MRPS27: variants seen among roughly 807,000 people sequenced by gnomAD.
MRPS27 encodes the protein small ribosomal subunit protein mS27.
MRPS27 carries 43 observed loss-of-function variants against 48.9 expected under a neutral mutation model. The observed-to-expected ratio is 0.88, with a 90% CI of 0.69 to 1.13. The LOEUF is 1.13. Among genes scored for constraint, MRPS27 ranks in the 50% most tolerant of loss-of-function variants. The pLI is 0.00. For missense variants in MRPS27, 467 were observed against 476.3 expected, an observed-to-expected ratio of 0.98 and a Z score of 0.18; for synonymous variants, 188 against 171.9, an observed-to-expected ratio of 1.09 and a Z score of -0.73.
At chr5:72,288,577 C>T (rs1168824833) in intron 4 of MRPS27, among the ~76,000 whole-genome samples, 2 of 152,182 alleles carry the variant, frequency 1.3e-5, no homozygotes, top group Non-Finnish European at 2.9e-5. Context: ...TGCACTATGA[C>T]CAACGATCTG....
intron 4 of MRPS27, among the ~76,000 whole-genome samples, chr5:72,261,094 C>T (rs1250350163): frequency 6.6e-6 from 1 of 152,074 alleles, no homozygotes; most frequent in Non-Finnish European, 1.5e-5. Context: ...GAACTCCTGG[C>T]CTCAAGTGAT....
At chr5:72,258,996 G>A (rs911432666) in intron 4 of MRPS27, among the ~76,000 whole-genome samples, 2 of 152,112 alleles carry the variant, frequency 1.3e-5, no homozygotes, top group Non-Finnish European at 2.9e-5. Flanking sequence ...AGCCAGAATT[G>A]AGCATATTAT....
chr5:72,269,595 A>T (rs1323089087), intron 4 of MRPS27, among the ~76,000 whole-genome samples: 2 of 152,230 alleles, frequency 1.3e-5, no homozygotes, highest in Non-Finnish European at 2.9e-5. Context: ...AGACTCAAAC[A>T]CAAATAAGAA....
At chr5:72,230,219 C>T (rs1748017555) in intron 7 of MRPS27, among the ~76,000 whole-genome samples, 1 of 152,150 alleles carries the variant, frequency 6.6e-6, no homozygotes, top group Non-Finnish European at 1.5e-5. Flanking sequence ...CTATTGTAGA[C>T]ACTATAATGG....
At chr5:72,256,097 C>T (rs574071215) in intron 4 of MRPS27, among the ~76,000 whole-genome samples, 1 of 152,316 alleles carries the variant, frequency 6.6e-6, no homozygotes, top group South Asian at 2.1e-4. Context: ...ATTTGGCAAG[C>T]CACCTCAGCC....
rs754533079 is a variant in MRPS27 at position 72,228,383 on chromosome 5, A to C, written c.592-15T>G. 15 of 1,575,832 alleles carry C rather than the reference A, an allele frequency of 9.5e-6. No homozygotes were observed. The highest frequency in any genetic ancestry group is 2.7e-5 in the African/African-American group (2 of 73,994). On this transcript the variant is annotated splice_polypyrimidine_tract_variant and intron_variant, in intron 7 of 10. Transcript: ENST00000261413. ...TCCTCTTCCCACTGCAACAGAATAT[A>C]CTGGATCATGATCCATCTAAGCAAT...
rs76418262 is a variant in MRPS27, at chr5:72,233,870, T to C, written c.475+249A>G. ...ATTTCAGTCAGTTTGGGAAGTGAAA[T>C]TAGATTGGCCTGTATAATTAACTTA... On this transcript the variant is annotated intron_variant, in intron 6 of 10. Coordinates refer to ENST00000261413, the MANE Select transcript of MRPS27 (RefSeq NM_015084.3). Among the ~76,000 whole-genome samples the C allele has an allele frequency of 2.0e-5, 3 of 152,290 alleles. No individual in the cohort carries two copies. The East Asian group carries it at 5.8e-4, about 29-fold the overall frequency.
At chr5:72,225,995 T>G in intron 9 of MRPS27, 62 bp downstream of exon 9, 1 of 1,541,768 alleles carries the variant, frequency 6.5e-7, no homozygotes, top group African/African-American at 1.4e-5. Flanking sequence ...AAAACAAATT[T>G]AAAGCTCAGG....
intron 4 of MRPS27, among the ~76,000 whole-genome samples, chr5:72,261,806 T>C (rs1748986104): frequency 6.6e-6 from 1 of 152,202 alleles, no homozygotes; most frequent in African/African-American, 2.4e-5. Context: ...CATTCCAGCA[T>C]GGCTGTAAGG....
At chr5:72,239,805 G>C (rs551978689) in intron 4 of MRPS27, among the ~76,000 whole-genome samples, 1 of 151,990 alleles carries the variant, frequency 6.6e-6, no homozygotes, top group African/African-American at 2.4e-5. Context: ...TAAGCCTCTC[G>C]AGTAGCTGGG....
intron 4 of MRPS27, among the ~76,000 whole-genome samples, chr5:72,257,609 T>A (rs1288349651): frequency 1.3e-5 from 2 of 152,188 alleles, no homozygotes; most frequent in African/African-American, 4.8e-5. Context: ...AGAATAAGAA[T>A]AGGATTTTTA....
chr5:72,311,456 G>A (rs951265215), intron 2 of MRPS27, among the ~76,000 whole-genome samples: 1 of 152,206 alleles, frequency 6.6e-6, no homozygotes, highest in Non-Finnish European at 1.5e-5. Flanking sequence ...AATCCCCAGT[G>A]TAACAGTTTT....
chr5:72,295,624 T>G, intron 3 of MRPS27, 35 bp from the exon 4 acceptor site: 1 of 1,530,646 alleles, frequency 6.5e-7, no homozygotes, highest in South Asian at 1.1e-5. Context: ...TGGTTGAATA[T>G]AAATTATGTC....
intron 4 of MRPS27, 141 bp downstream of exon 4, chr5:72,295,390 A>C: frequency 3.4e-6 from 2 of 588,918 alleles, no homozygotes; most frequent in Non-Finnish European, 6.0e-6. Flanking sequence ...AAAATCAGAA[A>C]CTCTCTCTAT....
intron 4 of MRPS27, among the ~76,000 whole-genome samples, chr5:72,293,499 T>C (rs1211813724): frequency 1.3e-5 from 2 of 152,290 alleles, no homozygotes; most frequent in East Asian, 3.9e-4. Flanking sequence ...GTAGTGATCT[T>C]ATGAAACTTT....
chr5:72,278,329 G>A (rs1282877193), intron 4 of MRPS27, among the ~76,000 whole-genome samples: 1 of 151,564 alleles, frequency 6.6e-6, no homozygotes, highest in African/African-American at 2.4e-5. Context: ...TCTAGTCCCA[G>A]CTACTTGGGA....
chr5:72,265,838 C>T (rs767321562), intron 4 of MRPS27, among the ~76,000 whole-genome samples: 3 of 152,208 alleles, frequency 2.0e-5, no homozygotes, highest in South Asian at 2.1e-4. Flanking sequence ...GGCTCTGTTA[C>T]GAAAACAAGG....
intron 1 of MRPS27, 159 bp downstream of exon 1, chr5:72,319,990 G>T: frequency 2.9e-6 from 2 of 695,254 alleles, no homozygotes; most frequent in Non-Finnish European, 2.5e-6. Flanking sequence ...GAAGGAAATG[G>T]ATCAGATACC....
chr5:72,288,111 AT>A lies in MRPS27; in HGVS notation c.281+7419del, dbSNP rs1214642012. Among the ~76,000 whole-genome samples, 4 of 152,212 alleles carry A rather than the reference AT, an allele frequency of 2.6e-5. No homozygotes were observed. The East Asian group carries it at 7.7e-4, about 29-fold the overall frequency. On this transcript the variant is annotated intron_variant, in intron 4 of 10. Coordinates refer to ENST00000261413, the MANE Select transcript of MRPS27 (RefSeq NM_015084.3). ...GAATGCTTAAGCCAAAGCCAAAAAA[AT>A]ACCTTGAAGGTTCACTCTTCCTATG...
Sources: allele counts gnomAD v4.1 joint callset (sites outside exome capture counted in the v4.1 genomes callset), GRCh38; gene constraint gnomAD v4.1.1; transcripts MANE v1.5; gene names NCBI Gene and HGNC (gene_info 2026-07-23, HGNC 2026-07-21).